Variants in SLC4A4 observed in about 807,000 individuals in gnomAD.
SLC4A4 encodes the protein electrogenic sodium bicarbonate cotransporter 1.
In SLC4A4, 27 loss-of-function variants were observed where a neutral mutation model predicts 111.5. The observed-to-expected ratio is 0.24, with a 90% CI of 0.18 to 0.33. The LOEUF (loss-of-function observed/expected upper bound fraction) is 0.33. Ranked by LOEUF, SLC4A4 falls within the 10% of genes least tolerant of loss-of-function variation. The pLI is 1.00. For missense variants in SLC4A4, 909 were observed against 1,315.5 expected (o/e 0.69, Z 4.78); for synonymous variants, 443 against 463.4 (o/e 0.96, Z 0.57).
Position 71,347,035 on chromosome 4 carries a change from A to G in SLC4A4, c.390-2877A>G, listed in dbSNP as rs547235468. ...AAACTGGCTAGTTTTGAGAATTTAT[A>G]TTTCCATTCCTTTATGGTTAAATCT... On this transcript the variant is annotated intron_variant, in intron 4 of 25. Transcript: ENST00000264485. 7.2e-5 allele frequency among the ~76,000 whole-genome samples: 11 copies of G among 152,264 alleles called. No homozygotes were observed. The South Asian group carries it at 2.1e-3, about 29-fold the overall frequency.
At chr4:71,240,723 G>A (rs935442860) in intron 2 of SLC4A4, among the ~76,000 whole-genome samples, 1 of 152,154 alleles carries the variant, frequency 6.6e-6, no homozygotes, top group African/African-American at 2.4e-5. Context: ...TTTGTTAAGA[G>A]AAAGAATGAA....
intron 16 of SLC4A4, among the ~76,000 whole-genome samples, chr4:71,511,308 G>A (rs1321112726): frequency 1.3e-5 from 2 of 152,072 alleles, no homozygotes; most frequent in East Asian, 3.9e-4. Flanking sequence ...TCTGGTGGCA[G>A]TGAACTTGCT....
At chr4:71,545,636 A>G (rs1735453711) in intron 18 of SLC4A4, among the ~76,000 whole-genome samples, 4 of 152,026 alleles carry the variant, frequency 2.6e-5, no homozygotes, top group Admixed American at 2.6e-4. Context: ...ACCATTGGGC[A>G]ATGTTTGAAA....
At chr4:71,121,209 G>A (rs114654867) in intron 2 of SLC4A4, among the ~76,000 whole-genome samples, 11,604 of 151,298 alleles carry the variant, frequency 0.077, 589 homozygotes, top group South Asian at 0.19. Flanking sequence ...AGCCTCCCCC[G>A]CTTCCCTCCC....
chr4:71,151,939 C>A (rs72860036), intron 2 of SLC4A4, among the ~76,000 whole-genome samples: 2 of 151,728 alleles, frequency 1.3e-5, no homozygotes, highest in South Asian at 4.2e-4. Flanking sequence ...GTGGTGTACA[C>A]CTGTAGTCCC....
At chr4:71,241,738 G>A (rs1325014408) in intron 2 of SLC4A4, among the ~76,000 whole-genome samples, 2 of 152,174 alleles carry the variant, frequency 1.3e-5, no homozygotes, top group Non-Finnish European at 1.5e-5. Context: ...GGCAAATACT[G>A]CTAAAGGAAA....
At chr4:71,278,136 C>T (rs920109279) in intron 3 of SLC4A4, among the ~76,000 whole-genome samples, 8 of 152,070 alleles carry the variant, frequency 5.3e-5, no homozygotes, top group African/African-American at 1.4e-4. Context: ...CCCTTTTACT[C>T]TCCGTTTCTA....
At chr4:71,386,636 A>T (rs755974550) in intron 6 of SLC4A4, among the ~76,000 whole-genome samples, 1 of 151,648 alleles carries the variant, frequency 6.6e-6, no homozygotes, top group Non-Finnish European at 1.5e-5. Flanking sequence ...GTTTTAAGGT[A>T]ATTATTGGTC....
intron 14 of SLC4A4, among the ~76,000 whole-genome samples, chr4:71,481,107 G>A (rs1728838645): frequency 6.6e-6 from 1 of 151,692 alleles, no homozygotes; most frequent in African/African-American, 2.4e-5. Context: ...TTTTACAAAT[G>A]AGGAACATGT....
At chr4:71,551,669 A>G (rs1736006697) in intron 20 of SLC4A4, among the ~76,000 whole-genome samples, 1 of 151,924 alleles carries the variant, frequency 6.6e-6, no homozygotes, top group African/African-American at 2.4e-5. Flanking sequence ...ATTTAAAACA[A>G]AACATAGTAC....
chr4:71,410,356 A>G (rs1579037602), intron 7 of SLC4A4, among the ~76,000 whole-genome samples: 3 of 152,196 alleles, frequency 2.0e-5, no homozygotes, highest in Admixed American at 2.0e-4. Context: ...GCTGCCCAAG[A>G]CCATGGGAAG....
At chr4:71,424,736 C>G (rs1400636899) in intron 7 of SLC4A4, among the ~76,000 whole-genome samples, 2 of 151,818 alleles carry the variant, frequency 1.3e-5, no homozygotes, top group Non-Finnish European at 2.9e-5. Flanking sequence ...TAAACTATCG[C>G]AAGAACAAAA....
intron 3 of SLC4A4, among the ~76,000 whole-genome samples, chr4:71,301,624 T>C (rs1725267339): frequency 6.6e-6 from 1 of 152,234 alleles, no homozygotes; most frequent in Non-Finnish European, 1.5e-5. Context: ...GGCTCTTGCA[T>C]AGTGACTGCA....
At chr4:71,329,493 G>A (rs1175195706) in intron 3 of SLC4A4, among the ~76,000 whole-genome samples, 1 of 151,786 alleles carries the variant, frequency 6.6e-6, no homozygotes, top group Non-Finnish European at 1.5e-5. Flanking sequence ...TCAATTTCGT[G>A]CATCAATGTT....
intron 1 of SLC4A4, among the ~76,000 whole-genome samples, chr4:71,224,180 C>T (rs1718920546): frequency 6.6e-6 from 1 of 152,166 alleles, no homozygotes; most frequent in African/African-American, 2.4e-5. Context: ...CACTTCTTCT[C>T]TGAGCCTGAT....
At chr4:71,155,796 G>A (rs1744443336) in intron 2 of SLC4A4, among the ~76,000 whole-genome samples, 1 of 152,026 alleles carries the variant, frequency 6.6e-6, no homozygotes, top group Non-Finnish European at 1.5e-5. Context: ...TTTTATTGTT[G>A]TTTTTTGTAT....
chr4:71,272,112 ATCT>A lies in SLC4A4; in HGVS notation c.253+16717_253+16719del, dbSNP rs1364548721. 7.9e-4 allele frequency among the ~76,000 whole-genome samples: 121 copies of A among 152,310 alleles called. 3 individuals carry two copies. Among genetic ancestry groups the A allele is most frequent in the Non-Finnish European group, 8.8e-5 (6 of 68,024 alleles). On this transcript the variant is annotated intron_variant, in intron 3 of 25. Transcript: ENST00000264485. ...AATTAACTAAATGCAAGTATATATAATCTTCTAGTGTTTCTACTTTATCCAAGG... is the reference window on the plus strand; with the variant it reads ...AATTAACTAAATGCAAGTATATATAATCTAGTGTTTCTACTTTATCCAAGG...
At chr4:71,243,304 A>C (rs1368363044) in intron 2 of SLC4A4, among the ~76,000 whole-genome samples, 3 of 152,192 alleles carry the variant, frequency 2.0e-5, no homozygotes, top group African/African-American at 4.8e-5. Flanking sequence ...GCCATTATGT[A>C]ATTTAGGTGC....
chr4:71,229,164 C>T (rs1298007105), intron 1 of SLC4A4, among the ~76,000 whole-genome samples: 12 of 152,072 alleles, frequency 7.9e-5, no homozygotes, highest in Non-Finnish European at 1.6e-4. Context: ...TAGTTTGTAA[C>T]CTTTTGGGAT....
Sources: allele counts gnomAD v4.1 joint callset (sites outside exome capture counted in the v4.1 genomes callset), GRCh38; gene constraint gnomAD v4.1.1; transcripts MANE v1.5; gene names NCBI Gene and HGNC (gene_info 2026-07-23, HGNC 2026-07-21).